TBC1D14: variants seen among roughly 807,000 people sequenced by gnomAD.
TBC1D14 encodes the protein TBC1 domain family, member 14.
Under a neutral mutation model 79.0 loss-of-function variants are expected in TBC1D14, and 26 were observed. The observed-to-expected ratio is 0.33, with a 90% CI of 0.24 to 0.46. The LOEUF is 0.46. Ranked by LOEUF, TBC1D14 falls within the 20% of genes least tolerant of loss-of-function variation. The probability of loss-of-function intolerance (pLI) is 1.00; values close to 1 mark genes in which losing one functional copy is unlikely to be tolerated. For missense variants in TBC1D14, 769 were observed against 887.6 expected (o/e 0.87, Z 1.70); for synonymous variants, 394 against 349.9 (o/e 1.13, Z -1.40).
chr4:6,955,017 T>C (rs1398383951), intron 2 of TBC1D14, among the ~76,000 whole-genome samples: 2 of 152,278 alleles, frequency 1.3e-5, no homozygotes, highest in South Asian at 2.1e-4. Flanking sequence ...ACTAGGAATT[T>C]TGAGCACAGT....
chr4:6,969,675 G>A lies in TBC1D14; in HGVS notation c.843+2251G>A, dbSNP rs575388109. 2.0e-5 allele frequency among the ~76,000 whole-genome samples: 3 copies of A among 151,604 alleles called. No individual in the cohort carries two copies. The South Asian group carries it at 6.2e-4, about 32-fold the overall frequency. On this transcript the variant is annotated intron_variant, in intron 3 of 13. Transcript: ENST00000409757. ...CTGCCTCGGCCTCCCAAAGTGCTGG[G>A]ATTACAGGCATGAGCCACCATGCCC...
At chr4:7,001,080 G>T in intron 6 of TBC1D14, 65 bp from the exon 7 acceptor site, 2 of 1,424,758 alleles carry the variant, frequency 1.4e-6, no homozygotes, top group East Asian at 2.3e-5. Flanking sequence ...TCGGGGCTAG[G>T]CACGCAGGTA....
At position 6,942,144 on chromosome 4, in the gene TBC1D14, T is replaced by G. The variant is rs555667316; in HGVS notation, c.722+18033T>G. Among the ~76,000 whole-genome samples the G allele has an allele frequency of 9.8e-5, 15 of 152,370 alleles. No individual in the cohort carries two copies. In the South Asian group the frequency reaches 3.1e-3, roughly 32 times the overall value. On this transcript the variant is annotated intron_variant, in intron 2 of 13. Transcript: ENST00000409757. The stretch of plus-strand genomic sequence containing the variant: ...AAAATATCATAGAATAATGCAGTAA[T>G]TAAAACGGTTTCCTCCTATTTCCTA...
intron 2 of TBC1D14, 72 bp downstream of exon 2, chr4:6,924,183 A>G: frequency 6.6e-7 from 1 of 1,509,348 alleles, no homozygotes; most frequent in Non-Finnish European, 8.8e-7. Context: ...CCTGTCTCAA[A>G]TGTGTTGTGT....
chr4:6,993,708 G>A (rs1718734255), intron 3 of TBC1D14, among the ~76,000 whole-genome samples: 1 of 152,180 alleles, frequency 6.6e-6, no homozygotes, highest in African/African-American at 2.4e-5. Flanking sequence ...TCTCAGCTTT[G>A]GAACTCTAAG....
At chr4:7,028,199 G>A (rs1577199639) in intron 13 of TBC1D14, among the ~76,000 whole-genome samples, 1 of 151,892 alleles carries the variant, frequency 6.6e-6, no homozygotes, top group Admixed American at 6.6e-5. Context: ...TACAGGTGCA[G>A]GTCAGTCCCT....
intron 3 of TBC1D14, among the ~76,000 whole-genome samples, chr4:6,983,973 G>T (rs1018684475): frequency 1.3e-5 from 2 of 152,224 alleles, no homozygotes; most frequent in African/African-American, 4.8e-5. Flanking sequence ...TGCAAACACT[G>T]TGGATCTTGT....
chr4:7,009,391 G>T (rs944975022), intron 9 of TBC1D14, among the ~76,000 whole-genome samples: 1 of 152,214 alleles, frequency 6.6e-6, no homozygotes, highest in East Asian at 1.9e-4. Flanking sequence ...CCAGGACTTA[G>T]AAGAGTGTAT....
intron 3 of TBC1D14, among the ~76,000 whole-genome samples, chr4:6,988,686 A>T (rs1004413276): frequency 1.3e-5 from 2 of 152,194 alleles, no homozygotes; most frequent in African/African-American, 4.8e-5. Context: ...ACAGGATTTG[A>T]CTGATGACCC....
intron 2 of TBC1D14, among the ~76,000 whole-genome samples, chr4:6,925,435 C>T (rs970427206): frequency 2.6e-4 from 39 of 152,148 alleles, no homozygotes; most frequent in African/African-American, 8.4e-4. Context: ...CCGGGTGTCC[C>T]TTTGAGATGG....
At position 6,923,882 on chromosome 4, in the gene TBC1D14, G is replaced by A. The variant is rs1225944509; in HGVS notation, c.493G>A (p.Glu165Lys). 6.2e-7 allele frequency: 1 copy of A among 1,614,050 alleles called. No homozygotes were observed. The highest frequency in any genetic ancestry group is 8.5e-7 in the Non-Finnish European group (1 of 1,180,052). ...CTGCAGCGTGTCCAGTCTTGGGACA[G>A]AGCTGTCCACCACGCTGTCCGTCAG... is the stretch of plus-strand genomic sequence containing the variant. ...SVCSVSSLGT[E>K]LSTTLSVSNE... is the part of the protein sequence containing the mutation. The change falls in exon 2 of 14, where the codon GAG (glutamate) becomes AAG (lysine). Residue 165 changes from glutamate to lysine, a missense_variant. Transcript: ENST00000409757.
chr4:7,010,922 G>A, intron 11 of TBC1D14, 141 bp downstream of exon 11: 4 of 1,036,678 alleles, frequency 3.9e-6, no homozygotes, highest in Non-Finnish European at 5.5e-6. Context: ...ACTGTAAGGT[G>A]GAGGATGATT....
intron 2 of TBC1D14, among the ~76,000 whole-genome samples, chr4:6,943,942 T>G (rs1268890884): frequency 6.6e-6 from 1 of 152,204 alleles, no homozygotes; most frequent in Non-Finnish European, 1.5e-5. Context: ...AACAATTCGG[T>G]CTCCCATATG....
intron 1 of TBC1D14, among the ~76,000 whole-genome samples, chr4:6,921,987 G>A (rs1046645135): frequency 2.0e-5 from 3 of 152,266 alleles, no homozygotes; most frequent in Non-Finnish European, 2.9e-5. Flanking sequence ...GAGCCACTGC[G>A]CCCGGCCATG....
intron 3 of TBC1D14, among the ~76,000 whole-genome samples, chr4:6,975,847 C>G (rs1242281875): frequency 1.3e-5 from 2 of 152,138 alleles, no homozygotes; most frequent in African/African-American, 4.8e-5. Flanking sequence ...AATCCCAGCA[C>G]TTTGGGAGGC....
chr4:6,969,267 T>A (rs1057133609), intron 3 of TBC1D14, among the ~76,000 whole-genome samples: 2 of 152,202 alleles, frequency 1.3e-5, no homozygotes, highest in Non-Finnish European at 2.9e-5. Flanking sequence ...CTTAGGAAAT[T>A]AAATAACCAA....
chr4:7,002,097 A>T (rs776839598), intron 7 of TBC1D14, among the ~76,000 whole-genome samples: 11 of 152,108 alleles, frequency 7.2e-5, no homozygotes, highest in Non-Finnish European at 1.5e-4. Context: ...CTGACAGGTT[A>T]TCTTAGCCTC....
intron 2 of TBC1D14, among the ~76,000 whole-genome samples, chr4:6,958,374 T>TACACACACACACACACACACACACAC (rs529020444): frequency 2.4e-5 from 1 of 42,252 alleles, no homozygotes; most frequent in African/African-American, 1.2e-4. Context: ...GATCCCCACA[T>TACACACACACACACACACACACACAC]ATACACACAC....
chr4:6,999,596 C>T (rs1352641057), intron 6 of TBC1D14, among the ~76,000 whole-genome samples: 1 of 152,092 alleles, frequency 6.6e-6, no homozygotes, highest in Admixed American at 6.5e-5. Flanking sequence ...TTGGACAGAG[C>T]CCTCTCCCTA....
Sources: gnomAD v4.1 joint callset for allele counts (sites outside exome capture counted in the v4.1 genomes callset) on GRCh38, gnomAD v4.1.1 for gene constraint, MANE v1.5 for transcripts, NCBI Gene and HGNC (gene_info 2026-07-23, HGNC 2026-07-21) for gene names.